Variants in SLC30A4 observed in about 807,000 individuals in gnomAD.
SLC30A4 encodes solute carrier family 30 member 4.
SLC30A4 carries 20 observed loss-of-function variants against 41.7 expected under a neutral mutation model. That is an observed-to-expected ratio of 0.48 (90% confidence interval 0.34 to 0.70). SLC30A4 has a LOEUF of 0.70. Ranked by LOEUF, SLC30A4 falls within the 30% of genes least tolerant of loss-of-function variation. The pLI is 0.01. For missense variants in SLC30A4, 441 were observed against 529.3 expected, an observed-to-expected ratio of 0.83 and a Z score of 1.64; for synonymous variants, 181 against 195.9, an observed-to-expected ratio of 0.92 and a Z score of 0.64.
intron 3 of SLC30A4, among the ~76,000 whole-genome samples, chr15:45,496,060 G>C (rs1402544763): frequency 2.0e-5 from 3 of 152,136 alleles, no homozygotes; most frequent in Non-Finnish European, 4.4e-5. Context: ...GGGAAAAAAA[G>C]TAAACTTTTA....
intron 3 of SLC30A4, among the ~76,000 whole-genome samples, chr15:45,503,629 C>T (rs557710968): frequency 6.8e-6 from 1 of 148,018 alleles, no homozygotes; most frequent in South Asian, 2.2e-4. Flanking sequence ...AAAAAAAAGT[C>T]ATGAACTCAA....
chr15:45,501,166 G>C (rs942695460), intron 3 of SLC30A4, among the ~76,000 whole-genome samples: 2 of 151,752 alleles, frequency 1.3e-5, no homozygotes, highest in Admixed American at 1.3e-4. Flanking sequence ...AAATTAGCTG[G>C]GCGTGGTGGC....
intron 3 of SLC30A4, among the ~76,000 whole-genome samples, chr15:45,498,503 A>G (rs986756389): frequency 2.0e-5 from 3 of 152,280 alleles, no homozygotes; most frequent in Non-Finnish European, 4.4e-5. Flanking sequence ...TCAGTGGCCC[A>G]CTGTCACCAC....
At chr15:45,518,825 T>A (rs1268939737) in intron 2 of SLC30A4, among the ~76,000 whole-genome samples, 1 of 152,126 alleles carries the variant, frequency 6.6e-6, no homozygotes, top group Non-Finnish European at 1.5e-5. Context: ...CCCAACGTGC[T>A]GGGATTATAG....
chr15:45,496,156 T>G (rs185490308), intron 3 of SLC30A4, among the ~76,000 whole-genome samples: 4 of 152,302 alleles, frequency 2.6e-5, no homozygotes, highest in Admixed American at 1.3e-4. Context: ...AGCAGAAATA[T>G]AATCATTTAT....
chr15:45,500,558 C>A, intron 3 of SLC30A4, among the ~76,000 whole-genome samples: 1 of 152,120 alleles, frequency 6.6e-6, no homozygotes, highest in Non-Finnish European at 1.5e-5. Context: ...CAAAATGGAC[C>A]TTTAAGTCAG....
rs752979381 is a variant in SLC30A4 at position 45,487,516 on chromosome 15, T to G, written c.1000+11A>C. 3.3e-5 allele frequency: 41 copies of G among 1,227,002 alleles called. No homozygotes were observed. Among genetic ancestry groups the G allele is most frequent in the Non-Finnish European group, 4.7e-5 (39 of 829,890 alleles). The allele number at this position is 1,227,002 out of a possible 1,614,324, so 76.0% of individuals were successfully genotyped here. A position where few individuals can be genotyped will look rare whatever the true frequency, so the allele number is the denominator to read the frequency against. Reference sequence around the variant, plus strand: ...TAATAAACTCATAATGAGGATATAGTGAGATCTTACCTTCTAGTATTATAA... The same window carrying G: ...TAATAAACTCATAATGAGGATATAGGGAGATCTTACCTTCTAGTATTATAA... On this transcript the variant is annotated intron_variant, in intron 6 of 7. Transcript: ENST00000261867.
Position 45,511,173 on chromosome 15 carries a change from G to T in SLC30A4, c.503C>A (p.Pro168Gln), listed in dbSNP as rs1198443696. 1 of 1,613,728 alleles carries T rather than the reference G, an allele frequency of 6.2e-7. No homozygotes were observed. The highest frequency in any genetic ancestry group is 1.1e-5 in the South Asian group (1 of 91,024). Reference sequence around the variant, plus strand: ...AAATCCAAAGGTGAATCTTTTGGTTGGTGATTTTGATGATAGCCACAAAGC... The same window carrying T: ...AAATCCAAAGGTGAATCTTTTGGTTTGTGATTTTGATGATAGCCACAAAGC... ...LLALWLSSKS[P>Q]TKRFTFGFHR... Residue 168 changes from proline to glutamine, a missense_variant, in exon 3 of 8, where the codon CCA becomes CAA. Around this residue, in one of 3 missense-constraint regions of SLC30A4, gnomAD observed 312 missense variants for 341.9 expected, o/e 0.91. Coordinates refer to ENST00000261867, the MANE Select transcript of SLC30A4 (RefSeq NM_013309.6).
At chr15:45,496,952 A>G (rs1028078090) in intron 3 of SLC30A4, among the ~76,000 whole-genome samples, 5 of 151,888 alleles carry the variant, frequency 3.3e-5, no homozygotes, top group African/African-American at 9.7e-5. Flanking sequence ...GCTTGAGCAC[A>G]GGAGGTCAAG....
At chr15:45,521,787 A>G in intron 2 of SLC30A4, 177 bp downstream of exon 2, 1 of 590,160 alleles carries the variant, frequency 1.7e-6, no homozygotes. Flanking sequence ...GGGAGTTTAT[A>G]TTGTACTTAG....
At chr15:45,497,788 T>C (rs1423394748) in intron 3 of SLC30A4, among the ~76,000 whole-genome samples, 2 of 152,210 alleles carry the variant, frequency 1.3e-5, no homozygotes, top group African/African-American at 4.8e-5. Flanking sequence ...CCTCTGTTAT[T>C]TTCCATCAAG....
At chr15:45,512,409 G>C (rs193138628) in intron 2 of SLC30A4, 3 of 152,232 alleles carry the variant, frequency 2.0e-5, no homozygotes, top group African/African-American at 7.2e-5. Context: ...ACCACACTTC[G>C]AGAATCACTG....
At chr15:45,511,838 T>G (rs1199182640) in intron 2 of SLC30A4, among the ~76,000 whole-genome samples, 2 of 152,196 alleles carry the variant, frequency 1.3e-5, no homozygotes, top group Non-Finnish European at 2.9e-5. Flanking sequence ...TTTAGAAAGT[T>G]AAGAACCACA....
intron 2 of SLC30A4, chr15:45,512,260 G>A (rs1892319593): frequency 6.6e-6 from 1 of 152,138 alleles, no homozygotes; most frequent in South Asian, 2.1e-4. Context: ...ATCACCTGGA[G>A]GGCTTGTTAA....
At chr15:45,496,895 C>A (rs1265651464) in intron 3 of SLC30A4, among the ~76,000 whole-genome samples, 1 of 150,980 alleles carries the variant, frequency 6.6e-6, no homozygotes, top group Non-Finnish European at 1.5e-5. Flanking sequence ...GGTGTGGTAG[C>A]ACATGCCTAC....
Position 45,482,716 on chromosome 15 carries a change from T to C in SLC30A4, c.*2447A>G, listed in dbSNP as rs1326781309. 1 of 152,208 alleles carries C rather than the reference T, an allele frequency of 6.6e-6. No homozygotes were observed. The highest frequency in any genetic ancestry group is 2.4e-5 in the African/African-American group (1 of 41,460). 9.4% of individuals were successfully genotyped at this position (152,208 alleles called of 1,614,324 possible). On this transcript the variant is annotated 3_prime_UTR_variant, in exon 8 of 8. Coordinates refer to ENST00000261867, the MANE Select transcript of SLC30A4 (RefSeq NM_013309.6). ...AATATTTTGATTTAAATAGTTTATA[T>C]GCTCCTGAAATTTCTGAGAAATTCA...
intron 4 of SLC30A4, among the ~76,000 whole-genome samples, chr15:45,489,873 G>A (rs1595522166): frequency 6.6e-6 from 1 of 151,922 alleles, no homozygotes; most frequent in Non-Finnish European, 1.5e-5. Context: ...TTGGCTCACT[G>A]ATTTTTTTTT....
Position 45,480,819 on chromosome 15 carries a change from C to T in SLC30A4, c.*4344G>A, listed in dbSNP as rs992817530. On this transcript the variant is annotated 3_prime_UTR_variant, in exon 8 of 8. Transcript: ENST00000261867. ...AAGCTGTGAGAGTGGCTGAGAAACA[C>T]GACCCAAAGTCTTCTTAGCAATGAT... 1 of 152,180 alleles carries T rather than the reference C, an allele frequency of 6.6e-6. No homozygotes were observed. Among genetic ancestry groups the T allele is most frequent in the Admixed American group, 6.6e-5 (1 of 15,262 alleles). 9.4% of individuals were successfully genotyped at this position (152,180 alleles called of 1,614,324 possible).
At chr15:45,510,606 T>C (rs1892266456) in intron 3 of SLC30A4, among the ~76,000 whole-genome samples, 1 of 152,244 alleles carries the variant, frequency 6.6e-6, no homozygotes. Flanking sequence ...GCTGTGTAGA[T>C]AGCAATGTAT....
Sources: allele counts gnomAD v4.1 joint callset (sites outside exome capture counted in the v4.1 genomes callset), GRCh38; gene constraint gnomAD v4.1.1; regional missense constraint gnomAD v4.1.1; transcripts MANE v1.5; gene names NCBI Gene and HGNC (gene_info 2026-07-23, HGNC 2026-07-21).